MTMR8: variants seen among roughly 807,000 people sequenced by gnomAD.
MTMR8 encodes the protein phosphatidylinositol-3,5-bisphosphate 3-phosphatase MTMR8.
Under a neutral mutation model 39.3 loss-of-function variants are expected in MTMR8, and 65 were observed. The observed-to-expected ratio is 1.65, with a 90% CI of 1.35 to 2.03. The LOEUF is 2.03. Among genes scored for constraint, MTMR8 ranks in the 30% most tolerant of loss-of-function variants. The pLI is 0.00. For synonymous variants in MTMR8, 245 were observed against 185.2 expected (o/e 1.32, Z -2.62); for missense variants, 777 against 538.9 (o/e 1.44, Z -4.37).
chrX:64,271,765 T>C (rs953590501), intron 12 of MTMR8, among the ~76,000 whole-genome samples: 17 of 111,986 alleles, frequency 1.5e-4, no homozygotes, highest in Admixed American at 8.5e-4. Flanking sequence ...GTCTGGCATG[T>C]GATAGTATCC....
At chrX:64,283,821 T>G (rs1377222385) in intron 12 of MTMR8, among the ~76,000 whole-genome samples, 2 of 112,137 alleles carry the variant, frequency 1.8e-5, no homozygotes, top group Non-Finnish European at 3.8e-5. Context: ...AAACCCCATC[T>G]GTATGTCTCC....
At chrX:64,285,686 C>A (rs1242743596) in intron 12 of MTMR8, among the ~76,000 whole-genome samples, 1 of 111,791 alleles carries the variant, frequency 8.9e-6, no homozygotes, top group Non-Finnish European at 1.9e-5. Context: ...CAAAACTGCT[C>A]AACTACATGG....
intron 12 of MTMR8, among the ~76,000 whole-genome samples, chrX:64,287,173 A>G (rs1413529586): frequency 9.0e-5 from 10 of 111,215 alleles, no homozygotes; most frequent in Non-Finnish European, 1.7e-4. Context: ...ACCAATAACA[A>G]ACAAACAGAG....
At chrX:64,321,379 C>T (rs1316078542) in intron 12 of MTMR8, among the ~76,000 whole-genome samples, 4 of 111,347 alleles carry the variant, frequency 3.6e-5, no homozygotes, top group East Asian at 2.8e-4. Flanking sequence ...AATAAAGAGA[C>T]AGAAATAATA....
intron 12 of MTMR8, among the ~76,000 whole-genome samples, chrX:64,311,532 C>T (rs1922299248): frequency 1.8e-5 from 2 of 111,585 alleles, no homozygotes; most frequent in Admixed American, 9.5e-5. Context: ...GCTTTTGTTG[C>T]CATTGCTTTT....
At chrX:64,331,426 C>T in intron 11 of MTMR8, 131 bp downstream of exon 11, 1 of 538,835 alleles carries the variant, frequency 1.9e-6, no homozygotes, top group Non-Finnish European at 3.1e-6. Flanking sequence ...CTTTATGCTT[C>T]AAAAGTTCTT....
At chrX:64,374,882 G>A (rs767991382) in intron 1 of MTMR8, among the ~76,000 whole-genome samples, 54 of 109,115 alleles carry the variant, frequency 4.9e-4, no homozygotes, top group African/African-American at 1.8e-3. Context: ...AGATTGGAGC[G>A]ATGGATATAG....
chrX:64,376,954 C>G (rs751339264), intron 1 of MTMR8, among the ~76,000 whole-genome samples: 3 of 111,919 alleles, frequency 2.7e-5, no homozygotes, highest in Non-Finnish European at 3.8e-5. Flanking sequence ...CACTCCAGCT[C>G]CAGCCATGGC....
intron 12 of MTMR8, among the ~76,000 whole-genome samples, chrX:64,279,052 A>G (rs1931947721): frequency 9.0e-6 from 1 of 111,443 alleles, no homozygotes; most frequent in Admixed American, 9.5e-5. Context: ...GGGGTCAGGG[A>G]CCCACCTGAG....
chrX:64,290,086 A>G (rs1311311913), intron 12 of MTMR8, among the ~76,000 whole-genome samples: 1 of 110,927 alleles, frequency 9.0e-6, no homozygotes, highest in East Asian at 2.8e-4. Context: ...ACCTAACACT[A>G]CTGAATTAAA....
At position 64,268,877 on chromosome X, in the gene MTMR8, C is replaced by A. The variant is rs764840819; in HGVS notation, c.1775G>T (p.Gly592Val). The A allele has an allele frequency of 8.3e-7, 1 of 1,209,776 alleles. No homozygotes were observed. Among genetic ancestry groups the A allele is most frequent in the South Asian group, 1.8e-5 (1 of 56,769 alleles). The change falls in exon 14 of 14, where the codon GGA becomes GTA. Residue 592 changes from glycine (G) to valine (V), a missense_variant. By Grantham distance (109) the Gly-to-Val change is moderately radical. Coordinates refer to ENST00000374852, the MANE Select transcript of MTMR8 (RefSeq NM_017677.4). ...LMENGTLSRE[G>V]GLRAQMDQVK... ...TTGATCCATCTGAGCTCGGAGGCCT[C>A]CTTCCCTGGATAGGGTGCCATTCTC...
chrX:64,292,773 C>A (rs1056314167), intron 12 of MTMR8, among the ~76,000 whole-genome samples: 1 of 111,407 alleles, frequency 9.0e-6, no homozygotes, highest in Non-Finnish European at 1.9e-5. Flanking sequence ...CAGAATGTAT[C>A]TGGCAGGGAG....
At chrX:64,277,323 C>T (rs929090688) in intron 12 of MTMR8, among the ~76,000 whole-genome samples, 4 of 111,914 alleles carry the variant, frequency 3.6e-5, no homozygotes, top group East Asian at 2.8e-4. Flanking sequence ...TCAGTTGATG[C>T]GATTTCTTCA....
chrX:64,328,412 A>G (rs1370475154), intron 12 of MTMR8, among the ~76,000 whole-genome samples: 1 of 111,466 alleles, frequency 9.0e-6, no homozygotes, highest in Non-Finnish European at 1.9e-5. Context: ...TATAGCAAAC[A>G]TTACCAGCAC....
intron 12 of MTMR8, among the ~76,000 whole-genome samples, chrX:64,321,400 A>G (rs1301942599): frequency 1.8e-5 from 2 of 112,289 alleles, no homozygotes. Flanking sequence ...AAAACAAAAC[A>G]AAACAGAAAT....
chrX:64,344,094 C>T (rs1233773925), intron 7 of MTMR8, among the ~76,000 whole-genome samples: 1 of 110,443 alleles, frequency 9.1e-6, no homozygotes, highest in Non-Finnish European at 1.9e-5. Flanking sequence ...GTCTCTACTC[C>T]CACACCCCCA....
At chrX:64,288,570 T>C (rs781440379) in intron 12 of MTMR8, among the ~76,000 whole-genome samples, 1 of 111,639 alleles carries the variant, frequency 9.0e-6, no homozygotes, top group Non-Finnish European at 1.9e-5. Context: ...CATGCAAACA[T>C]ATGTTTATTG....
chrX:64,297,042 C>T (rs1454434429), intron 12 of MTMR8, among the ~76,000 whole-genome samples: 22 of 97,190 alleles, frequency 2.3e-4, no homozygotes, highest in Non-Finnish European at 3.5e-4. Flanking sequence ...AATAAACATA[C>T]GTGTGCATGT....
chrX:64,374,177 C>T (rs1475824426), intron 1 of MTMR8, among the ~76,000 whole-genome samples: 1 of 111,529 alleles, frequency 9.0e-6, no homozygotes, highest in Non-Finnish European at 1.9e-5. Context: ...CAACTCAATG[C>T]AACATAACAA....
Sources: gnomAD v4.1 joint callset for allele counts (sites outside exome capture counted in the v4.1 genomes callset) on GRCh38, gnomAD v4.1.1 for gene constraint, MANE v1.5 for transcripts, NCBI Gene and HGNC (gene_info 2026-07-23, HGNC 2026-07-21) for gene names.